The following PMS1 variants were observed in gnomAD, a reference collection of about 807,000 sequenced individuals.
PMS1 encodes the protein PMS1 protein homolog 1.
A neutral mutation model predicts 93.1 loss-of-function variants in PMS1; 79 were observed. The ratio of observed to expected loss-of-function variants is 0.85; its 90% CI spans 0.71 to 1.02. PMS1 has a LOEUF of 1.02. PMS1 is among the 50% of genes least tolerant of loss of function. The pLI, the probability that PMS1 is intolerant of heterozygous loss-of-function variation, is 0.00. For missense variants in PMS1, 1,064 were observed against 1,085.3 expected, an observed-to-expected ratio of 0.98 and a Z score of 0.28; for synonymous variants, 335 against 363.4, an observed-to-expected ratio of 0.92 and a Z score of 0.89.
At chr2:189,805,599 A>G in intron 3 of PMS1, 53 bp from the exon 4 acceptor site, 1 of 1,320,748 alleles carries the variant, frequency 7.6e-7, no homozygotes, top group Non-Finnish European at 1.1e-6. Context: ...TTTGATAATG[A>G]ACCCATCGCA....
intron 1 of PMS1, among the ~76,000 whole-genome samples, chr2:189,790,559 A>C (rs543971407): frequency 6.6e-6 from 1 of 152,322 alleles, no homozygotes; most frequent in African/African-American, 2.4e-5. Flanking sequence ...ACCTGGGCCC[A>C]GTTACTTACT....
At chr2:189,859,333 CAGAA>C (rs1296994926) in intron 9 of PMS1, among the ~76,000 whole-genome samples, 7 of 152,124 alleles carry the variant, frequency 4.6e-5, no homozygotes, top group African/African-American at 1.7e-4. Context: ...GCATGAGACA[CAGAA>C]AGATTAAATA....
chr2:189,810,321 C>G lies in PMS1; in HGVS notation c.418+4567C>G, dbSNP rs2050725748. Among the ~76,000 whole-genome samples the G allele has an allele frequency of 2.0e-5, 3 of 152,190 alleles. No homozygotes were observed. The South Asian group carries it at 6.2e-4, about 32-fold the overall frequency. Reference sequence around the variant, plus strand: ...ATTTTAAAAACTTGTAGTCTTTAAACTCATTGAAGACCTGTGTCACAGAGA... The same window carrying G: ...ATTTTAAAAACTTGTAGTCTTTAAAGTCATTGAAGACCTGTGTCACAGAGA... On this transcript the variant is annotated intron_variant, in intron 4 of 12. Coordinates refer to ENST00000441310, the MANE Select transcript of PMS1 (RefSeq NM_000534.5).
intron 1 of PMS1, among the ~76,000 whole-genome samples, chr2:189,785,674 A>G (rs956327757): frequency 6.6e-6 from 1 of 152,100 alleles, no homozygotes; most frequent in Non-Finnish European, 1.5e-5. Flanking sequence ...ACTGCAGGGG[A>G]AGGAATACCT....
chr2:189,792,940 G>T (rs913412999), intron 2 of PMS1, among the ~76,000 whole-genome samples: 2 of 151,898 alleles, frequency 1.3e-5, no homozygotes, highest in Non-Finnish European at 2.9e-5. Flanking sequence ...CTCCTGAATA[G>T]CTGGGATTAC....
At chr2:189,844,131 T>A in intron 6 of PMS1, 51 bp downstream of exon 6, 2 of 1,608,864 alleles carry the variant, frequency 1.2e-6, no homozygotes, top group Non-Finnish European at 1.7e-6. Context: ...ATGAAGCTGT[T>A]CACATATTTC....
Position 189,854,525 on chromosome 2 carries a change from A to G in PMS1, c.1253A>G (p.Tyr418Cys). Residue 418 changes from tyrosine to cysteine, a missense_variant, in exon 9 of 13, where the codon TAT becomes TGT. Transcript: ENST00000441310. The part of the protein sequence containing the change: ...NHQISIGDFG[Y>C]GHCSSEISNI... The stretch of plus-strand genomic sequence containing the variant: ...CAGATAAGTATTGGTGACTTTGGTT[A>G]TGGTCATTGTAGTAGTGAAATTTCT... 1 of 1,613,792 alleles carries G rather than the reference A, an allele frequency of 6.2e-7. No homozygotes were observed. The highest frequency in any genetic ancestry group is 2.2e-5 in the East Asian group (1 of 44,826).
intron 5 of PMS1, among the ~76,000 whole-genome samples, chr2:189,841,048 ATTG>A (rs1405193481): frequency 2.6e-5 from 4 of 152,092 alleles, no homozygotes; most frequent in Non-Finnish European, 5.9e-5. Flanking sequence ...TTGGTTCTAA[ATTG>A]TTGTTGTCAT....
At chr2:189,804,400 G>A (rs571283109) in intron 3 of PMS1, among the ~76,000 whole-genome samples, 3 of 152,248 alleles carry the variant, frequency 2.0e-5, no homozygotes, top group Non-Finnish European at 4.4e-5. Context: ...TTTGGAAGAG[G>A]TAGATCCCTT....
At chr2:189,817,212 C>G (rs528225186) in intron 4 of PMS1, among the ~76,000 whole-genome samples, 4 of 152,302 alleles carry the variant, frequency 2.6e-5, no homozygotes, top group Non-Finnish European at 4.4e-5. Context: ...TTGAGAAGCA[C>G]TACACTATAA....
At chr2:189,871,777 A>G (rs2057169640) in intron 11 of PMS1, among the ~76,000 whole-genome samples, 1 of 152,206 alleles carries the variant, frequency 6.6e-6, no homozygotes, top group African/African-American at 2.4e-5. Flanking sequence ...CTATAAAAGA[A>G]TACTTGAGAC....
At chr2:189,864,319 T>G in intron 10 of PMS1, 91 bp downstream of exon 10, 1 of 929,750 alleles carries the variant, frequency 1.1e-6, no homozygotes, top group East Asian at 2.6e-5. Context: ...TGGGAATGTT[T>G]CCTAGTAAGG....
intron 5 of PMS1, among the ~76,000 whole-genome samples, chr2:189,839,395 C>G (rs2053643167): frequency 6.6e-6 from 1 of 152,192 alleles, no homozygotes; most frequent in South Asian, 2.1e-4. Context: ...ATGGTATTTT[C>G]CCAATTAGAT....
At chr2:189,876,418 C>A (rs1348777851) in intron 12 of PMS1, among the ~76,000 whole-genome samples, 1 of 152,128 alleles carries the variant, frequency 6.6e-6, no homozygotes, top group Non-Finnish European at 1.5e-5. Context: ...TAGAATTTGT[C>A]CAAGGGTAAA....
At chr2:189,784,986 T>G (rs1899024) in intron 1 of PMS1, among the ~76,000 whole-genome samples, 149,807 of 152,312 alleles carry the variant, frequency 0.98, 73,718 homozygotes, top group East Asian at 1. Context: ...ATTTTTGCTC[T>G]TGGCCTTCTG....
intron 12 of PMS1, among the ~76,000 whole-genome samples, chr2:189,874,082 A>G (rs256555): frequency 0.048 from 7,265 of 151,950 alleles, 199 homozygotes; most frequent in African/African-American, 0.081. Context: ...TTTATTATGT[A>G]TTTGCAAGAA....
Position 189,818,113 on chromosome 2 carries a change from T to A in PMS1, c.515T>A (p.Ile172Asn). Residue 172 changes from isoleucine (I) to asparagine (N), a missense_variant, in exon 5 of 13, where the codon ATC becomes AAC. Transcript: ENST00000441310. The part of the protein sequence containing the change: ...AKKCKDEIKK[I>N]QDLLMSFGIL... ...AAATGTAAAGATGAAATAAAAAAGA[T>A]CCAAGATCTCCTCATGAGCTTTGGT... The A allele has an allele frequency of 6.2e-7, 1 of 1,608,724 alleles. No homozygotes were observed. Among genetic ancestry groups the A allele is most frequent in the Non-Finnish European group, 8.5e-7 (1 of 1,175,516 alleles).
chr2:189,873,037 TTAA>T (rs772315891), intron 11 of PMS1, among the ~76,000 whole-genome samples: 1 of 152,228 alleles, frequency 6.6e-6, no homozygotes, highest in Non-Finnish European at 1.5e-5. Flanking sequence ...TTTCTTCTAA[TTAA>T]TAATATCTCC....
intron 9 of PMS1, among the ~76,000 whole-genome samples, chr2:189,862,050 C>G (rs1282164346): frequency 1.3e-5 from 2 of 151,952 alleles, no homozygotes; most frequent in Non-Finnish European, 2.9e-5. Flanking sequence ...GATTATCAAC[C>G]CTAATTTCTT....
Sources: allele counts gnomAD v4.1 joint callset (sites outside exome capture counted in the v4.1 genomes callset), GRCh38; gene constraint gnomAD v4.1.1; transcripts MANE v1.5; gene names NCBI Gene and HGNC (gene_info 2026-07-23, HGNC 2026-07-21).